Variants in CELSR2 observed in about 807,000 individuals in gnomAD.
CELSR2 encodes EGF-like protein 2.
A neutral mutation model predicts 251.6 loss-of-function variants in CELSR2; 81 were observed. The ratio of observed to expected loss-of-function variants is 0.32; its 90% CI spans 0.27 to 0.39. The LOEUF (loss-of-function observed/expected upper bound fraction) is 0.39. CELSR2 is among the 10% of genes least tolerant of loss of function. CELSR2 has a pLI of 1.00. For synonymous variants in CELSR2, 1,721 were observed against 1,670.5 expected (o/e 1.03, Z -0.74); for missense variants, 3,365 against 3,947.7 (o/e 0.85, Z 3.96).
chr1:109,263,710 G>T lies in CELSR2; in HGVS notation c.4934G>T (p.Arg1645Leu), dbSNP rs778101518. 6.2e-7 allele frequency: 1 copy of T among 1,613,904 alleles called. No individual in the cohort carries two copies. The change falls in exon 9 of 34, where the codon CGC becomes CTC. Residue 1645 changes from arginine (R) to leucine (L), a missense_variant. Transcript: ENST00000271332. ...SQPWYLSLMF[R>L]TRQADGVLLQ... ...CCCTGGTACCTCAGCCTCATGTTCC[G>T]CACGCGCCAGGCCGACGGTGTCCTG...
At chr1:109,268,359 G>A (rs17035630) in intron 17 of CELSR2, among the ~76,000 whole-genome samples, 17,603 of 152,284 alleles carry the variant, frequency 0.12, 1,543 homozygotes, top group East Asian at 0.42. Flanking sequence ...CACAGGGCTG[G>A]GAAGCTCTTA....
In CELSR2 at chr1:109,252,042, C is replaced by T. The variant is rs1217795745; in HGVS notation, c.1963C>T (p.Arg655Cys). The T allele has an allele frequency of 6.2e-6, 10 of 1,613,968 alleles. No individual in the cohort carries two copies. In the African/African-American group the frequency reaches 6.7e-5, roughly 11 times the overall value. ...YQITSGNTRNRFSITSQSGGG... is the reference protein window; with the variant it reads ...YQITSGNTRNCFSITSQSGGG... ...GATCACCAGTGGCAATACTCGAAAC[C>T]GCTTCTCCATCACCAGCCAAAGTGG... The change falls in exon 1 of 34, where the codon CGC (arginine) becomes TGC (cysteine). Residue 655 changes from arginine to cysteine, a missense_variant. Coordinates refer to ENST00000271332, the MANE Select transcript of CELSR2 (RefSeq NM_001408.3). The surrounding 1 kb of genome is among the most constrained non-coding windows in gnomAD (Gnocchi z 4.8).
At chr1:109,260,917 G>C in intron 2 of CELSR2, 125 bp from the exon 3 acceptor site, 1 of 666,516 alleles carries the variant, frequency 1.5e-6, no homozygotes, top group Non-Finnish European at 2.6e-6. Context: ...GGGGATGCCT[G>C]GGAGGTTTGG....
In CELSR2 at chr1:109,268,663, C is replaced by T; in HGVS notation, c.6401C>T (p.Thr2134Ile). The change falls in exon 18 of 34, where the codon ACC (threonine) becomes ATC (isoleucine). Residue 2134 changes from threonine (T) to isoleucine (I), a missense_variant. By Grantham distance (89) the Thr-to-Ile change is moderately conservative (BLOSUM62 -1). This residue lies in a region of CELSR2 where 2,093 missense variants were observed against 2,382.8 expected (regional missense o/e 0.88). Transcript: ENST00000271332. ...WELIQQTEGG[T>I]AWLLQHYEAY... ...CTGATCCAGCAGACAGAGGGTGGCA[C>T]CGCCTGGCTGCTCCAGCACTATGAG... 6.2e-7 allele frequency: 1 copy of T among 1,614,072 alleles called. No homozygotes were observed.
At chr1:109,270,319 C>A in intron 23 of CELSR2, 107 bp from the exon 24 acceptor site, 1 of 1,392,426 alleles carries the variant, frequency 7.2e-7, no homozygotes, top group Non-Finnish European at 9.9e-7. Context: ...CCAGGCTTCC[C>A]TGGAAGCAGT....
rs751984886 is a variant in CELSR2 at position 109,264,459 on chromosome 1, G to A, written c.5295G>A (p.Val1765=). The A allele has an allele frequency of 1.2e-6, 2 of 1,612,724 alleles. No homozygotes were observed. The highest frequency in any genetic ancestry group is 3.3e-5 in the Admixed American group (2 of 59,988). Residue 1765 remains valine, a synonymous_variant, in exon 11 of 34, where the codon GTG becomes GTA. Transcript: ENST00000271332. Reference sequence around the variant, plus strand: ...ACTGCTCCTGTCCCTCCCAGGGTGTGCGGGTGAGCGATACGCCGGAGGGGG... The same window carrying A: ...ACTGCTCCTGTCCCTCCCAGGGTGTACGGGTGAGCGATACGCCGGAGGGGG... The part of the protein sequence containing the change: ...ARGFRGCLQG[V]RVSDTPEGVN...
Position 109,274,104 on chromosome 1 carries a change from A to G in CELSR2, c.*55A>G, listed in dbSNP as rs971792030. On this transcript the variant is annotated 3_prime_UTR_variant, in exon 34 of 34. Transcript: ENST00000271332. Reference sequence around the variant, plus strand: ...TCCCTTCCCTTCCCCAGCCGCACTCATGCCCTGCTCCTGTCTTGTGCTTTA... The same window carrying G: ...TCCCTTCCCTTCCCCAGCCGCACTCGTGCCCTGCTCCTGTCTTGTGCTTTA... 21 of 1,613,326 alleles carry G rather than the reference A, an allele frequency of 1.3e-5. No homozygotes were observed. Among genetic ancestry groups the G allele is most frequent in the Non-Finnish European group, 1.6e-5 (19 of 1,179,916 alleles).
chr1:109,254,645 C>T (rs1041501507), intron 1 of CELSR2, among the ~76,000 whole-genome samples: 1 of 152,200 alleles, frequency 6.6e-6, no homozygotes, highest in Admixed American at 6.5e-5. Context: ...AAGAGGCTGG[C>T]AGGCCCCTAC....
Position 109,252,993 on chromosome 1 carries a change from G to C in CELSR2, c.2914G>C (p.Asp972His). The change falls in exon 1 of 34, where the codon GAC (aspartate) becomes CAC (histidine). Residue 972 changes from aspartate (D) to histidine (H), a missense_variant. Asp to His is a moderately conservative substitution (Grantham distance 81). Coordinates refer to ENST00000271332, the MANE Select transcript of CELSR2 (RefSeq NM_001408.3). The surrounding 1 kb of genome is among the most constrained non-coding windows in gnomAD (Gnocchi z 4.8). Reference protein sequence around the residue: ...EGNIPEVFQLDIFSGELTALV... With the variant: ...EGNIPEVFQLHIFSGELTALV... ...CAACATCCCTGAGGTCTTTCAGCTG[G>C]ACATCTTCTCCGGGGAGCTGACAGC... is the stretch of plus-strand genomic sequence containing the variant. 1 of 1,612,154 alleles carries C rather than the reference G, an allele frequency of 6.2e-7. No homozygotes were observed. Among genetic ancestry groups the C allele is most frequent in the Non-Finnish European group, 8.5e-7 (1 of 1,178,776 alleles).
Position 109,258,703 on chromosome 1 carries a change from G to C in CELSR2, c.3582G>C (p.Gly1194=), listed in dbSNP as rs1032215609. Reference sequence around the variant, plus strand: ...CGGTGGGCCAGCCGCCAGGGCCCGGGGGCGGGCCGCCCTTCCTGCCCTCTG... The same window carrying C: ...CGGTGGGCCAGCCGCCAGGGCCCGGCGGCGGGCCGCCCTTCCTGCCCTCTG... ...SLSVGQPPGP[G]GGPPFLPSED... Residue 1194 remains glycine, a synonymous_variant, in exon 2 of 34, where the codon GGG becomes GGC. Coordinates refer to ENST00000271332, the MANE Select transcript of CELSR2 (RefSeq NM_001408.3). The C allele has an allele frequency of 3.9e-6, 6 of 1,550,658 alleles. No homozygotes were observed. In the African/African-American group the frequency reaches 5.5e-5, roughly 14 times the overall value.
chr1:109,250,603 T>G lies in CELSR2; in HGVS notation c.524T>G (p.Val175Gly). The G allele has an allele frequency of 6.2e-7, 1 of 1,613,960 alleles. No homozygotes were observed. The highest frequency in any genetic ancestry group is 8.5e-7 in the Non-Finnish European group (1 of 1,180,002). Reference sequence around the variant, plus strand: ...CTGGGTGGGCGTCGGAAAAGGAATGTAAATACAGCCCCCCAGTTCCAGCCC... The same window carrying G: ...CTGGGTGGGCGTCGGAAAAGGAATGGAAATACAGCCCCCCAGTTCCAGCCC... The part of the protein sequence containing the change: ...ESLGGRRKRN[V>G]NTAPQFQPPS... The change falls in exon 1 of 34, where the codon GTA becomes GGA. Residue 175 changes from valine to glycine, a missense_variant. This residue lies in a region of CELSR2 where 704 missense variants were observed against 784.1 expected (regional missense o/e 0.90). Transcript: ENST00000271332. This position sits in a 1 kb window ranked among gnomAD's most constrained non-coding sequence, Gnocchi z 4.4.
intron 11 of CELSR2, 22 bp downstream of exon 11, chr1:109,264,650 A>G: frequency 6.2e-7 from 1 of 1,603,462 alleles, no homozygotes; most frequent in South Asian, 1.1e-5. Context: ...ATCCAGGGCA[A>G]CGGGCAGGTT....
At chr1:109,271,143 G>A in intron 25 of CELSR2, 74 bp from the exon 26 acceptor site, 2 of 1,543,344 alleles carry the variant, frequency 1.3e-6, no homozygotes, top group South Asian at 2.2e-5. Flanking sequence ...AACAGCTGAG[G>A]CCACGGGGCC....
rs768494078 is a variant in CELSR2 at position 109,251,410 on chromosome 1, G to A, written c.1331G>A (p.Arg444Gln). 2.9e-5 allele frequency: 47 copies of A among 1,613,826 alleles called. No homozygotes were observed. The highest frequency in any genetic ancestry group is 2.6e-4 in the South Asian group (24 of 91,086). Reference protein sequence around the residue: ...VHYSIMSGNARGQFYLDAQTG... With the variant: ...VHYSIMSGNAQGQFYLDAQTG... ...TATAGCATCATGAGTGGCAATGCTC[G>A]GGGACAGTTTTATCTGGATGCCCAG... Residue 444 changes from arginine (R) to glutamine (Q), a missense_variant, in exon 1 of 34, where the codon CGG becomes CAG. Transcript: ENST00000271332. The surrounding 1 kb of genome is among the most constrained non-coding windows in gnomAD (Gnocchi z 4.9).
Position 109,270,734 on chromosome 1 carries a change from T to C in CELSR2, c.7483+134T>C, listed in dbSNP as rs1258816618. 4 of 1,241,944 alleles carry C rather than the reference T, an allele frequency of 3.2e-6. No individual in the cohort carries two copies. In the Admixed American group the frequency reaches 8.3e-5, roughly 26 times the overall value. 76.9% of individuals were successfully genotyped at this position (1,241,944 alleles called of 1,614,324 possible). ...AGGCCGCCTTATTCACAGGTGTCCCTCTGGTTTAACCCAGACTCTGCAGCC... is the reference window on the plus strand; with the variant it reads ...AGGCCGCCTTATTCACAGGTGTCCCCCTGGTTTAACCCAGACTCTGCAGCC... On this transcript the variant is annotated intron_variant, in intron 24 of 33. Coordinates refer to ENST00000271332, the MANE Select transcript of CELSR2 (RefSeq NM_001408.3).
At position 109,265,723 on chromosome 1, in the gene CELSR2, C is replaced by T. The variant is rs1249564532; in HGVS notation, c.5728-12C>T. On this transcript the variant is annotated splice_polypyrimidine_tract_variant and intron_variant, in intron 13 of 33. Transcript: ENST00000271332. ...GCCTGGCCAGTGACACCGTTCTTCC[C>T]TCCTTTCTCAGGAGAACCACTACCG... The T allele has an allele frequency of 6.2e-7, 1 of 1,603,178 alleles. No individual in the cohort carries two copies. Among genetic ancestry groups the T allele is most frequent in the Non-Finnish European group, 8.5e-7 (1 of 1,171,438 alleles).
Position 109,263,126 on chromosome 1 carries a change from C to G in CELSR2, c.4709-16C>G, listed in dbSNP as rs1208525284. 1 of 1,592,616 alleles carries G rather than the reference C, an allele frequency of 6.3e-7. No homozygotes were observed. On this transcript the variant is annotated splice_polypyrimidine_tract_variant and intron_variant, in intron 7 of 33. Transcript: ENST00000271332. ...CCCCAGCTCAGGTCCACTGAGCTGCCTTCTCTCCATTCCAGGCTGCCCTGC... is the reference window on the plus strand; with the variant it reads ...CCCCAGCTCAGGTCCACTGAGCTGCGTTCTCTCCATTCCAGGCTGCCCTGC...
chr1:109,262,636 G>A (rs1656050257), intron 6 of CELSR2, among the ~76,000 whole-genome samples, 170 bp from the exon 7 acceptor site: 1 of 152,180 alleles, frequency 6.6e-6, no homozygotes, highest in Non-Finnish European at 1.5e-5. Context: ...GGGGCTGAGT[G>A]TTCGACAAGA....
chr1:109,249,705 C>T lies in CELSR2; in HGVS notation c.-375C>T, dbSNP rs1157980537. ...GTCGGGGCGCACGGCTACGCGGGCG[C>T]AGGTGGGCGATCCCATAGGGGCGGA... On this transcript the variant is annotated 5_prime_UTR_variant, in exon 1 of 34. Coordinates refer to ENST00000271332, the MANE Select transcript of CELSR2 (RefSeq NM_001408.3). 6.8e-6 allele frequency among the ~76,000 whole-genome samples: 1 copy of T among 147,930 alleles called. No individual in the cohort carries two copies. Among genetic ancestry groups the T allele is most frequent in the Non-Finnish European group, 1.5e-5 (1 of 66,580 alleles).
Sources: gnomAD v4.1 joint callset for allele counts (sites outside exome capture counted in the v4.1 genomes callset) on GRCh38, gnomAD v4.1.1 for gene constraint, gnomAD v4.1.1 regional missense constraint, Gnocchi (gnomAD v3.1) non-coding constraint, MANE v1.5 for transcripts, NCBI Gene and HGNC (gene_info 2026-07-23, HGNC 2026-07-21) for gene names.